The following IL36B variants were observed in gnomAD, a reference collection of about 807,000 sequenced individuals.
IL36B encodes interleukin 36 beta, also known as interleukin-36 beta.
In IL36B, 23 loss-of-function variants were observed where a neutral mutation model predicts 19.3. The observed-to-expected ratio is 1.19, with a 90% CI of 0.86 to 1.69. The LOEUF (loss-of-function observed/expected upper bound fraction) is 1.69, where lower values mean the gene tolerates loss of function less well. Ranked by LOEUF, IL36B falls within the 40% of genes most tolerant of loss-of-function variation. The pLI is 0.00. For synonymous variants in IL36B, 59 were observed against 59.7 expected, an observed-to-expected ratio of 0.99 and a Z score of 0.05; for missense variants, 217 against 200.5, an observed-to-expected ratio of 1.08 and a Z score of -0.50.
chr2:113,032,400 A>T (rs560367139), intron 1 of IL36B, among the ~76,000 whole-genome samples: 1 of 152,130 alleles, frequency 6.6e-6, no homozygotes, highest in Non-Finnish European at 1.5e-5. Context: ...GCACCAGAAC[A>T]GTCCCCAAGA....
intron 1 of IL36B, among the ~76,000 whole-genome samples, chr2:113,032,947 G>A (rs1344297425): frequency 6.6e-6 from 1 of 152,184 alleles, no homozygotes; most frequent in Non-Finnish European, 1.5e-5. Flanking sequence ...GAGGAAATGC[G>A]GATTAGGCCA....
chr2:113,038,198 A>T lies in IL36B; in HGVS notation c.-57-6432T>A, dbSNP rs748946377. ...GATCTGGGCTTTTCACTTTCCAGAC[A>T]GGGATGATGCTTTTCTTCTTGCTAC... On this transcript the variant is annotated intron_variant, in intron 1 of 5. Transcript: ENST00000259213. 4.7e-4 allele frequency among the ~76,000 whole-genome samples: 72 copies of T among 152,322 alleles called. 1 individual carries two copies. The highest frequency in any genetic ancestry group is 9.8e-4 in the Admixed American group (15 of 15,302).
chr2:113,044,260 ATGTG>A (rs56838257), intron 1 of IL36B, among the ~76,000 whole-genome samples: 5,338 of 142,276 alleles, frequency 0.038, 92 homozygotes, highest in East Asian at 0.065. Context: ...CTATATCTAT[ATGTG>A]TGTGTGTGTG....
At position 113,031,162 on chromosome 2, in the gene IL36B, G is replaced by C; in HGVS notation, c.14-7C>G. On this transcript the variant is annotated splice_region_variant and splice_polypyrimidine_tract_variant and intron_variant, in intron 2 of 5. Coordinates refer to ENST00000259213, the MANE Select transcript of IL36B (RefSeq NM_014438.5). ...GATTTGGGTGCTGCCTCCCCTGCCAGATGACAAAAATGCACAAAATACACG... is the reference window on the plus strand; with the variant it reads ...GATTTGGGTGCTGCCTCCCCTGCCACATGACAAAAATGCACAAAATACACG... 6.2e-7 allele frequency: 1 copy of C among 1,604,142 alleles called. No homozygotes were observed. The highest frequency in any genetic ancestry group is 8.5e-7 in the Non-Finnish European group (1 of 1,170,910).
At chr2:113,026,264 A>T in intron 4 of IL36B, 1 of 1,612,480 alleles carries the variant, frequency 6.2e-7, no homozygotes, top group South Asian at 1.1e-5. Context: ...TGTTGCTGAG[A>T]TAATACACTG....
Position 113,022,706 on chromosome 2 carries a change from G to A in IL36B, c.463C>T (p.Arg155Trp), listed in dbSNP as rs529822898. The A allele has an allele frequency of 1.4e-5, 23 of 1,611,256 alleles. No homozygotes were observed. The highest frequency in any genetic ancestry group is 2.2e-5 in the East Asian group (1 of 44,866). Residue 155 changes from arginine to tryptophan, a missense_variant, in exon 6 of 6, where the codon CGG (arginine) becomes TGG (tryptophan). Physicochemically the swap from Arg to Trp is moderately radical, Grantham distance 101 (BLOSUM62 -3). Coordinates refer to ENST00000259213, the MANE Select transcript of IL36B (RefSeq NM_014438.5). ...CTTCCTGGCATTCCTATGTTGGTCCGCATGGATGAGAAATCTTTGTCCTTC... is the reference window on the plus strand; with the variant it reads ...CTTCCTGGCATTCCTATGTTGGTCCACATGGATGAGAAATCTTTGTCCTTC...
intron 5 of IL36B, among the ~76,000 whole-genome samples, chr2:113,024,413 A>T (rs1684916282): frequency 6.6e-6 from 1 of 152,164 alleles, no homozygotes; most frequent in African/African-American, 2.4e-5. Context: ...CATACTACAG[A>T]TAGACAAGGA....
At chr2:113,049,418 A>T (rs1685403505) in intron 1 of IL36B, among the ~76,000 whole-genome samples, 1 of 152,206 alleles carries the variant, frequency 6.6e-6, no homozygotes, top group African/African-American at 2.4e-5. Flanking sequence ...TAGAATATAT[A>T]TAGAACTCCT....
chr2:113,028,071 C>T (rs867819904), intron 4 of IL36B: 1 of 1,614,096 alleles, frequency 6.2e-7, no homozygotes, highest in Non-Finnish European at 8.5e-7. Flanking sequence ...AGAGAAAGGG[C>T]TTCTGTGCTT....
chr2:113,031,172 A>C lies in IL36B; in HGVS notation c.14-17T>G. On this transcript the variant is annotated splice_polypyrimidine_tract_variant and intron_variant, in intron 2 of 5. Transcript: ENST00000259213. The stretch of plus-strand genomic sequence containing the variant: ...CTGCCTCCCCTGCCAGATGACAAAA[A>C]TGCACAAAATACACGTGAGGTTATC... 1.3e-6 allele frequency: 2 copies of C among 1,556,452 alleles called. No homozygotes were observed. The highest frequency in any genetic ancestry group is 1.8e-6 in the Non-Finnish European group (2 of 1,127,308).
intron 4 of IL36B, 142 bp from the exon 5 acceptor site, chr2:113,028,257 G>T: frequency 1.5e-6 from 1 of 668,520 alleles, no homozygotes; most frequent in South Asian, 1.9e-5. Flanking sequence ...ATGAAGCAGG[G>T]CATTAGAGTG....
chr2:113,032,755 C>T (rs115652897), intron 1 of IL36B, among the ~76,000 whole-genome samples: 1,870 of 151,452 alleles, frequency 0.012, 19 homozygotes, highest in Middle Eastern at 0.034. Flanking sequence ...GACTCCCAGG[C>T]CCCTTAATGA....
chr2:113,037,759 A>AT (rs1278170791), intron 1 of IL36B, among the ~76,000 whole-genome samples: 1 of 151,948 alleles, frequency 6.6e-6, no homozygotes, highest in East Asian at 1.9e-4. Flanking sequence ...GTCCTTTAAT[A>AT]TTTTCTGTCA....
chr2:113,028,088 C>T, intron 4 of IL36B: 1 of 1,614,056 alleles, frequency 6.2e-7, no homozygotes, highest in African/African-American at 1.3e-5. Flanking sequence ...GCTTTCTTCT[C>T]CACATACAGG....
intron 1 of IL36B, among the ~76,000 whole-genome samples, chr2:113,039,867 G>A (rs2862773): frequency 0.75 from 113,922 of 151,328 alleles, 43,319 homozygotes; most frequent in East Asian, 0.94. Context: ...GTCAGATAGC[G>A]AAGGGAAACT....
At chr2:113,026,073 G>A (rs368015588) in intron 5 of IL36B, 35 of 1,609,798 alleles carry the variant, frequency 2.2e-5, no homozygotes, top group Non-Finnish European at 6.8e-6. Context: ...TTGTCCACCT[G>A]TGGGATGGAT....
In IL36B at chr2:113,036,286, T is replaced by TAAA. The variant is rs573101732; in HGVS notation, c.-57-4523_-57-4521dup. Among the ~76,000 whole-genome samples, 19 of 149,070 alleles carry TAAA rather than the reference T, an allele frequency of 1.3e-4. No homozygotes were observed. The South Asian group carries it at 3.8e-3, about 30-fold the overall frequency. ...TTAAAGCAATATACATGTGTTGTTA[T>TAAA]AAAAAAAAAGATTAAAACTAATTAG... On this transcript the variant is annotated intron_variant, in intron 1 of 5. Coordinates refer to ENST00000259213, the MANE Select transcript of IL36B (RefSeq NM_014438.5).
chr2:113,023,765 T>C (rs1428029490), intron 5 of IL36B, among the ~76,000 whole-genome samples: 1 of 152,202 alleles, frequency 6.6e-6, no homozygotes, highest in Non-Finnish European at 1.5e-5. Context: ...AATGTTCTAC[T>C]TGTAAGTGAC....
At chr2:113,036,354 C>CTTT (rs367626558) in intron 1 of IL36B, among the ~76,000 whole-genome samples, 3 of 134,942 alleles carry the variant, frequency 2.2e-5, no homozygotes, top group Admixed American at 7.3e-5. Context: ...AAACACCTTG[C>CTTT]TTTTTTTTTT....
Sources: gnomAD v4.1 joint callset for allele counts (sites outside exome capture counted in the v4.1 genomes callset) on GRCh38, gnomAD v4.1.1 for gene constraint, MANE v1.5 for transcripts, NCBI Gene and HGNC (gene_info 2026-07-23, HGNC 2026-07-21) for gene names.